SCML2: variants seen among roughly 807,000 people sequenced by gnomAD.
The protein encoded by SCML2 is sex comb on midleg-like protein 2.
A neutral mutation model predicts 48.4 loss-of-function variants in SCML2; 6 were observed. That is an observed-to-expected ratio of 0.12 (90% CI 0.07 to 0.24). SCML2 has a LOEUF of 0.24. Among genes scored for constraint, SCML2 ranks in the 10% least tolerant of loss-of-function variants. The probability of loss-of-function intolerance (pLI) is 1.00; values close to 1 mark genes in which losing one functional copy is unlikely to be tolerated. For missense variants in SCML2, 377 were observed against 528.2 expected (o/e 0.71, Z 2.81); for synonymous variants, 181 against 189.5 (o/e 0.95, Z 0.37).
chrX:18,240,443 C>T lies in SCML2; in HGVS notation c.*808G>A, dbSNP rs369750761. 4 of 111,656 alleles carry T rather than the reference C, an allele frequency of 3.6e-5. No individual in the cohort carries two copies. The South Asian group carries it at 1.1e-3, about 32-fold the overall frequency. The allele number at this position is 111,656 out of a possible 1,213,427, so 9.2% of individuals were successfully genotyped here. A position where few individuals can be genotyped will look rare whatever the true frequency, so the allele number is the denominator to read the frequency against. ...AAGAAAAGAATGCCTAGTTAAATGTCCAAGCGTAGTGAAAATATGGAAAGT... is the reference window on the plus strand; with the variant it reads ...AAGAAAAGAATGCCTAGTTAAATGTTCAAGCGTAGTGAAAATATGGAAAGT... On this transcript the variant is annotated 3_prime_UTR_variant, in exon 15 of 15. Transcript: ENST00000251900.
chrX:18,321,495 T>A (rs1356774912), intron 5 of SCML2, among the ~76,000 whole-genome samples: 2 of 108,932 alleles, frequency 1.8e-5, no homozygotes, highest in Non-Finnish European at 3.8e-5. Flanking sequence ...TTTGTCCTAT[T>A]TTCCATCAAT....
At chrX:18,333,627 G>A (rs954046978) in intron 2 of SCML2, among the ~76,000 whole-genome samples, 2 of 111,859 alleles carry the variant, frequency 1.8e-5, no homozygotes, top group South Asian at 3.7e-4. Context: ...GAGATACAGC[G>A]CTTGAAGGAG....
chrX:18,251,402 A>G (rs187967014), intron 11 of SCML2, among the ~76,000 whole-genome samples: 3 of 109,512 alleles, frequency 2.7e-5, no homozygotes, highest in African/African-American at 6.6e-5. Flanking sequence ...TACCTCATAT[A>G]GGACTTGTAT....
At chrX:18,332,989 A>G (rs1169521996) in intron 2 of SCML2, among the ~76,000 whole-genome samples, 1 of 110,726 alleles carries the variant, frequency 9.0e-6, no homozygotes, top group Non-Finnish European at 1.9e-5. Context: ...TATTTTTTAA[A>G]AAAAGGCCAG....
At chrX:18,353,765 T>C (rs1165599492) in intron 1 of SCML2, among the ~76,000 whole-genome samples, 1 of 112,961 alleles carries the variant, frequency 8.9e-6, no homozygotes, top group Non-Finnish European at 1.9e-5. Context: ...GCTATCTATG[T>C]ACAACCTTGA....
intron 7 of SCML2, among the ~76,000 whole-genome samples, chrX:18,301,024 A>T (rs993750453): frequency 3.6e-4 from 40 of 111,838 alleles, no homozygotes; most frequent in Admixed American, 9.5e-5. Flanking sequence ...AGGGAAAAAA[A>T]ATCTGAATAA....
At chrX:18,344,128 G>C (rs1930124606) in intron 1 of SCML2, among the ~76,000 whole-genome samples, 1 of 109,329 alleles carries the variant, frequency 9.1e-6, no homozygotes, top group Admixed American at 9.8e-5. Flanking sequence ...GAGCCCAGAA[G>C]TTCAAGACCA....
chrX:18,284,101 A>T (rs1024814516), intron 7 of SCML2, among the ~76,000 whole-genome samples: 1 of 111,662 alleles, frequency 9.0e-6, no homozygotes, highest in African/African-American at 3.3e-5. Context: ...AAAACCCAGA[A>T]ATAAAGCCAT....
intron 2 of SCML2, among the ~76,000 whole-genome samples, chrX:18,333,066 AG>A (rs1221432267): frequency 9.0e-6 from 1 of 110,831 alleles, no homozygotes; most frequent in Non-Finnish European, 1.9e-5. Context: ...ACTTGAGGTC[AG>A]GAGTTCGAAA....
chrX:18,296,940 C>G (rs1391005818), intron 7 of SCML2, among the ~76,000 whole-genome samples: 1 of 109,919 alleles, frequency 9.1e-6, no homozygotes, highest in Admixed American at 9.7e-5. Flanking sequence ...GACAAGGACA[C>G]AAGGAAAAAA....
chrX:18,290,051 C>G (rs1928180996), intron 7 of SCML2, among the ~76,000 whole-genome samples: 1 of 111,122 alleles, frequency 9.0e-6, no homozygotes, highest in Admixed American at 9.6e-5. Flanking sequence ...TTTTAAAACC[C>G]ACTCCCTTAA....
intron 3 of SCML2, among the ~76,000 whole-genome samples, chrX:18,326,904 A>G (rs896507485): frequency 1.8e-5 from 2 of 111,343 alleles, no homozygotes; most frequent in Non-Finnish European, 1.9e-5. Context: ...ACGTTATAAA[A>G]CTAGAAGTCA....
chrX:18,337,514 A>G (rs1264154766), intron 1 of SCML2, among the ~76,000 whole-genome samples: 2 of 110,583 alleles, frequency 1.8e-5, no homozygotes, highest in African/African-American at 6.6e-5. Context: ...AAAGTTATCA[A>G]GGATAAAGCC....
rs137986815 is a variant in SCML2 at position 18,304,493 on chromosome X, C to A, written c.730+479G>T. 5.5e-3 allele frequency among the ~76,000 whole-genome samples: 621 copies of A among 111,893 alleles called. 2 individuals carry two copies. Among genetic ancestry groups the A allele is most frequent in the Middle Eastern group, 0.023 (5 of 217 alleles). ...GCTTCCACAGAGTCAAAAATTTTCA[C>A]TGTAGATTTAACTTAAGGCTATCAA... On this transcript the variant is annotated intron_variant, in intron 7 of 14. Coordinates refer to ENST00000251900, the MANE Select transcript of SCML2 (RefSeq NM_006089.3).
At chrX:18,337,327 A>C (rs1461783086) in intron 1 of SCML2, among the ~76,000 whole-genome samples, 1 of 103,563 alleles carries the variant, frequency 9.7e-6, no homozygotes, top group Admixed American at 1.1e-4. Context: ...AAAAAAAAAA[A>C]AAAAAACAAC....
At position 18,342,816 on chromosome X, in the gene SCML2, G is replaced by A. The variant is rs768475328; in HGVS notation, c.-24-8721C>T. Among the ~76,000 whole-genome samples the A allele has an allele frequency of 2.7e-5, 3 of 111,605 alleles. No homozygotes were observed. In the South Asian group the frequency reaches 1.1e-3, roughly 41 times the overall value. ...AATCTTTTACACAACCATTTGTTTT[G>A]CAGATTGTATCTTGTTACAGAATTA... On this transcript the variant is annotated intron_variant, in intron 1 of 14. Transcript: ENST00000251900.
At chrX:18,353,181 T>C (rs993640162) in intron 1 of SCML2, among the ~76,000 whole-genome samples, 8 of 109,079 alleles carry the variant, frequency 7.3e-5, no homozygotes, top group African/African-American at 2.7e-4. Flanking sequence ...ACATTCGTAA[T>C]TGGAAATATT....
At chrX:18,291,754 AG>A (rs1299219056) in intron 7 of SCML2, among the ~76,000 whole-genome samples, 1 of 111,932 alleles carries the variant, frequency 8.9e-6, no homozygotes, top group Non-Finnish European at 1.9e-5. Flanking sequence ...TTAAAAAAAA[AG>A]AATAGAAACA....
chrX:18,342,063 T>C (rs1005688516), intron 1 of SCML2, among the ~76,000 whole-genome samples: 3 of 112,171 alleles, frequency 2.7e-5, no homozygotes, highest in Admixed American at 9.5e-5. Flanking sequence ...TGAAGTTCTT[T>C]TAGAAACACA....
Sources: gnomAD v4.1 joint callset for allele counts (sites outside exome capture counted in the v4.1 genomes callset) on GRCh38, gnomAD v4.1.1 for gene constraint, MANE v1.5 for transcripts, NCBI Gene and HGNC (gene_info 2026-07-23, HGNC 2026-07-21) for gene names.